LSG1: variants seen among roughly 807,000 people sequenced by gnomAD.
LSG1 encodes the protein large 60S subunit nuclear export GTPase 1.
LSG1 carries 55 observed loss-of-function variants against 82.6 expected under a neutral mutation model. That is an observed-to-expected ratio of 0.67 (90% CI 0.54 to 0.83). The LOEUF (loss-of-function observed/expected upper bound fraction) is 0.83. Among genes scored for constraint, LSG1 ranks in the 40% least tolerant of loss-of-function variants. LSG1 has a pLI of 0.00. For missense variants in LSG1, 809 were observed against 807.9 expected (o/e 1.00, Z -0.02); for synonymous variants, 272 against 282.5 (o/e 0.96, Z 0.37).
intron 7 of LSG1, among the ~76,000 whole-genome samples, chr3:194,657,563 T>C (rs1237915184): frequency 1.3e-5 from 2 of 151,366 alleles, no homozygotes; most frequent in East Asian, 3.9e-4. Context: ...AGAAACTGAA[T>C]TAATGTGACT....
intron 5 of LSG1, 143 bp downstream of exon 5, chr3:194,665,414 A>G: frequency 1.8e-6 from 1 of 542,358 alleles, no homozygotes; most frequent in South Asian, 2.9e-5. Flanking sequence ...ATACGGTAGT[A>G]TCATGCTGTG....
chr3:194,650,844 C>A lies in LSG1; in HGVS notation c.1419+37G>T, dbSNP rs768579074. 3 of 1,578,076 alleles carry A rather than the reference C, an allele frequency of 1.9e-6. No homozygotes were observed. In the South Asian group the frequency reaches 3.5e-5, roughly 19 times the overall value. On this transcript the variant is annotated intron_variant, in intron 10 of 13. Transcript: ENST00000265245. Reference sequence around the variant, plus strand: ...AATAAACCTGAAGCCCTAATATGCACGTAATAACTAGAGTGTTTCCAAAGC... The same window carrying A: ...AATAAACCTGAAGCCCTAATATGCAAGTAATAACTAGAGTGTTTCCAAAGC...
intron 7 of LSG1, among the ~76,000 whole-genome samples, chr3:194,655,481 T>A (rs1718772164): frequency 6.6e-6 from 1 of 152,192 alleles, no homozygotes; most frequent in Non-Finnish European, 1.5e-5. Flanking sequence ...CAGGGCAAAC[T>A]ATTCTTCTGC....
rs545314078 is a variant in LSG1 at position 194,653,010 on chromosome 3, G to A, written c.892C>T (p.Pro298Ser). ...TCACTGTCATCTTCATCCGTTGTGG[G>A]ATTTTCACTAAGTGAAGGAGAATCC... ...ARDSPSLSEN[P>S]TTDEDDSEYE... Residue 298 changes from proline (P) to serine (S), a missense_variant, in exon 8 of 14, where the codon CCC becomes TCC. Coordinates refer to ENST00000265245, the MANE Select transcript of LSG1 (RefSeq NM_018385.3). 131 of 1,614,034 alleles carry A rather than the reference G, an allele frequency of 8.1e-5. No homozygotes were observed. The highest frequency in any genetic ancestry group is 1.8e-4 in the Admixed American group (11 of 59,990).
intron 11 of LSG1, among the ~76,000 whole-genome samples, chr3:194,647,324 G>A (rs953685033): frequency 6.6e-6 from 1 of 152,170 alleles, no homozygotes; most frequent in Admixed American, 6.5e-5. Flanking sequence ...TGGAAAAAAT[G>A]TGTAGCACAT....
rs1675953 is a variant in LSG1 at position 194,653,103 on chromosome 3, T to G, written c.799A>C (p.Lys267Gln). 1.2e-6 allele frequency: 2 copies of G among 1,613,438 alleles called. No individual in the cohort carries two copies. The highest frequency in any genetic ancestry group is 1.7e-5 in the Admixed American group (1 of 59,964). ...TGGTCGAAACTGGAATGTCCAAACTTGGTTGTGTTGCTTTGTCTATCATCT... is the reference window on the plus strand; with the variant it reads ...TGGTCGAAACTGGAATGTCCAAACTGGGTTGTGTTGCTTTGTCTATCATCT... ...NRDDRQSNTTKFGHSSFDQAE... is the reference protein window; with the variant it reads ...NRDDRQSNTTQFGHSSFDQAE... The change falls in exon 8 of 14, where the codon AAG becomes CAG. Residue 267 changes from lysine (K) to glutamine (Q), a missense_variant. By Grantham distance (53) the Lys-to-Gln change is moderately conservative. Coordinates refer to ENST00000265245, the MANE Select transcript of LSG1 (RefSeq NM_018385.3).
At chr3:194,651,421 C>A in intron 8 of LSG1, 1 of 572,444 alleles carries the variant, frequency 1.7e-6, no homozygotes. Flanking sequence ...TGACAAATGG[C>A]CAAGTTATGC....
At chr3:194,648,476 A>C (rs1718600673) in intron 11 of LSG1, among the ~76,000 whole-genome samples, 1 of 152,222 alleles carries the variant, frequency 6.6e-6, no homozygotes, top group African/African-American at 2.4e-5. Flanking sequence ...CCATCAAAGC[A>C]GCAAACGTCC....
At position 194,659,113 on chromosome 3, in the gene LSG1, C is replaced by G; in HGVS notation, c.603G>C (p.Met201Ile). 1 of 1,613,084 alleles carries G rather than the reference C, an allele frequency of 6.2e-7. No homozygotes were observed. Among genetic ancestry groups the G allele is most frequent in the South Asian group, 1.1e-5 (1 of 90,952 alleles). ...GAATGACGTTCTCCTTATTGGCATC[C>G]ATTTCTTTCACATAACATTCCTAAG... ...CEDLECYVKE[M>I]DANKENVILI... The change falls in exon 7 of 14, where the codon ATG becomes ATC. Residue 201 changes from methionine (M) to isoleucine (I), a missense_variant. Met to Ile is a conservative substitution (Grantham distance 10, BLOSUM62 1). Coordinates refer to ENST00000265245, the MANE Select transcript of LSG1 (RefSeq NM_018385.3).
chr3:194,642,345 G>A (rs1465659346), intron 13 of LSG1, 98 bp from the exon 14 acceptor site: 12 of 1,003,402 alleles, frequency 1.2e-5, no homozygotes, highest in Non-Finnish European at 1.7e-5. Context: ...ATAAAAAGGA[G>A]TCAGTCACTG....
Position 194,652,934 on chromosome 3 carries a change from TCTG to T in LSG1, c.965_967del (p.Ser322_Glu323delinsTer), listed in dbSNP as rs1282390381. 3 of 1,614,130 alleles carry T rather than the reference TCTG, an allele frequency of 1.9e-6. No homozygotes were observed. The highest frequency in any genetic ancestry group is 2.5e-6 in the Non-Finnish European group (3 of 1,180,020). On this transcript the variant is annotated stop_gained and inframe_deletion, in exon 8 of 14. Transcript: ENST00000265245. LOFTEE classifies it high-confidence loss of function. ...GTCCTCTTCCTTGGGACCGTCTTCT[TCTG>T]AGCACGTCTGCCAGTCGTCTTCCTC... is the stretch of plus-strand genomic sequence containing the variant.
intron 2 of LSG1, 52 bp downstream of exon 2, chr3:194,669,957 C>T (rs1212596769): frequency 6.3e-6 from 10 of 1,576,032 alleles, no homozygotes; most frequent in Admixed American, 1.9e-5. Context: ...AAAACCTCAG[C>T]CCCAGATGGA....
chr3:194,659,454 G>A (rs1718876901), intron 6 of LSG1, among the ~76,000 whole-genome samples: 1 of 152,042 alleles, frequency 6.6e-6, no homozygotes, highest in South Asian at 2.1e-4. Context: ...ACCAGCCTGG[G>A]CAACATGACA....
rs774998153 is a variant in LSG1, at chr3:194,651,174, T to C, written c.1216A>G (p.Ile406Val). 1.2e-6 allele frequency: 2 copies of C among 1,614,216 alleles called. No homozygotes were observed. Among genetic ancestry groups the C allele is most frequent in the Admixed American group, 3.3e-5 (2 of 60,024 alleles). ...ACAGATACTTTCTTGTTGCCCATGA[T>C]GGTGTTGATTGTTGAACTCTTACCA... Reference protein sequence around the residue: ...NVGKSSTINTIMGNKKVSVSA... With the variant: ...NVGKSSTINTVMGNKKVSVSA... The change falls in exon 9 of 14, where the codon ATC becomes GTC. Residue 406 changes from isoleucine to valine, a missense_variant. By Grantham distance (29) the Ile-to-Val change is conservative. Coordinates refer to ENST00000265245, the MANE Select transcript of LSG1 (RefSeq NM_018385.3).
intron 5 of LSG1, among the ~76,000 whole-genome samples, chr3:194,664,329 T>C (rs1008360664): frequency 6.6e-6 from 1 of 152,168 alleles, no homozygotes; most frequent in African/African-American, 2.4e-5. Flanking sequence ...TGTTTCCTAG[T>C]GTTCTTACTA....
In LSG1 at chr3:194,666,229, A is replaced by G. The variant is rs928152829; in HGVS notation, c.408T>C (p.Phe136=). Reference sequence around the variant, plus strand: ...GGACAAGCTGACGTCTCCATTCTAGAAAGTTATCTTTCTCTGCTTGTTTGA... The same window carrying G: ...GGACAAGCTGACGTCTCCATTCTAGGAAGTTATCTTTCTCTGCTTGTTTGA... ...EELKQAEKDN[F]LEWRRQLVRL... Residue 136 remains phenylalanine, a synonymous_variant, in exon 4 of 14, where the codon TTT becomes TTC. Coordinates refer to ENST00000265245, the MANE Select transcript of LSG1 (RefSeq NM_018385.3). 3.7e-6 allele frequency: 6 copies of G among 1,614,134 alleles called. No individual in the cohort carries two copies. Among genetic ancestry groups the G allele is most frequent in the Non-Finnish European group, 5.1e-6 (6 of 1,179,992 alleles).
chr3:194,652,959 C>T lies in LSG1; in HGVS notation c.943G>A (p.Glu315Lys), dbSNP rs1440718027. The change falls in exon 8 of 14, where the codon GAA becomes AAA. Residue 315 changes from glutamate (E) to lysine (K), a missense_variant. Glu to Lys is a moderately conservative substitution (Grantham distance 56). Coordinates refer to ENST00000265245, the MANE Select transcript of LSG1 (RefSeq NM_018385.3). ...TCTGAGCACGTCTGCCAGTCGTCTT[C>T]CTCCTCCTCTGGACAGTCCTCATAC... ...SEYEDCPEEE[E>K]DDWQTCSEED... The T allele has an allele frequency of 6.2e-7, 1 of 1,614,164 alleles. No homozygotes were observed. Among genetic ancestry groups the T allele is most frequent in the South Asian group, 1.1e-5 (1 of 91,086 alleles).
chr3:194,651,343 A>G, intron 8 of LSG1, 127 bp from the exon 9 acceptor site: 2 of 672,706 alleles, frequency 3.0e-6, no homozygotes, highest in Non-Finnish European at 5.2e-6. Context: ...TTTGAAATCC[A>G]TGCTGTGTTT....
At position 194,659,060 on chromosome 3, in the gene LSG1, G is replaced by A. The variant is rs1316858212; in HGVS notation, c.656C>T (p.Ala219Val). 3 of 1,614,138 alleles carry A rather than the reference G, an allele frequency of 1.9e-6. No individual in the cohort carries two copies. ...ILINKADLLT[A>V]EQRSAWAMYF... ...CATGGCCCAGGCACTCCGCTGCTCA[G>A]CAGTCAGCAAGTCTGCCTTGTTGAT... is the stretch of plus-strand genomic sequence containing the variant. Residue 219 changes from alanine (A) to valine (V), a missense_variant, in exon 7 of 14, where the codon GCT (alanine) becomes GTT (valine). By Grantham distance (64) the Ala-to-Val change is moderately conservative. Transcript: ENST00000265245.
Sources: gnomAD v4.1 joint callset for allele counts (sites outside exome capture counted in the v4.1 genomes callset) on GRCh38, gnomAD v4.1.1 for gene constraint, MANE v1.5 for transcripts, NCBI Gene and HGNC (gene_info 2026-07-23, HGNC 2026-07-21) for gene names.